The following ALK variants were observed in gnomAD, a reference collection of about 807,000 sequenced individuals.
ALK encodes ALK tyrosine kinase receptor.
ALK carries 74 observed loss-of-function variants against 163.1 expected under a neutral mutation model. The observed-to-expected ratio is 0.45, with a 90% CI of 0.38 to 0.55. ALK has a LOEUF of 0.55. Among genes scored for constraint, ALK ranks in the 20% least tolerant of loss-of-function variants. ALK has a pLI of 0.00. For missense variants in ALK, 2,063 were observed against 2,105.3 expected, an observed-to-expected ratio of 0.98 and a Z score of 0.39; for synonymous variants, 960 against 843.2, an observed-to-expected ratio of 1.14 and a Z score of -2.40.
chr2:29,840,383 G>T (rs895623535), intron 1 of ALK, among the ~76,000 whole-genome samples: 4 of 152,254 alleles, frequency 2.6e-5, no homozygotes, highest in Non-Finnish European at 5.9e-5. Flanking sequence ...TGGATTCCTA[G>T]AACTTCAAGC....
intron 3 of ALK, among the ~76,000 whole-genome samples, chr2:29,547,837 C>T (rs7603482): frequency 0.12 from 17,923 of 152,188 alleles, 1,388 homozygotes; most frequent in Non-Finnish European, 0.18. Flanking sequence ...GAATTATGCT[C>T]GTATGGTTGC....
intron 1 of ALK, among the ~76,000 whole-genome samples, chr2:29,719,032 A>T (rs1679349622): frequency 6.6e-6 from 1 of 152,148 alleles, no homozygotes; most frequent in Admixed American, 6.5e-5. Flanking sequence ...CACACACTTG[A>T]AGGAAATCTC....
chr2:29,673,047 G>T (rs1267279945), intron 3 of ALK, among the ~76,000 whole-genome samples: 4 of 118,966 alleles, frequency 3.4e-5, no homozygotes, highest in African/African-American at 1.5e-4. Flanking sequence ...TTGTAAATTT[G>T]TTTGAGTTCA....
intron 19 of ALK, chr2:29,224,571 G>A (rs1295671591): frequency 4.4e-6 from 1 of 229,726 alleles, no homozygotes; most frequent in Non-Finnish European, 8.6e-6. Context: ...TAGATTCTGT[G>A]TGTAAAGCCC....
intron 24 of ALK, among the ~76,000 whole-genome samples, chr2:29,213,406 G>A (rs1346207346): frequency 6.6e-6 from 1 of 152,190 alleles, no homozygotes; most frequent in African/African-American, 2.4e-5. Flanking sequence ...CAAACATTGT[G>A]TCTATGCCAA....
intron 2 of ALK, among the ~76,000 whole-genome samples, chr2:29,708,805 T>C (rs1415036831): frequency 6.6e-6 from 1 of 152,164 alleles, no homozygotes; most frequent in Non-Finnish European, 1.5e-5. Flanking sequence ...TCTAGGCCTG[T>C]TTCCTCATCC....
At chr2:29,691,353 T>C (rs1338985800) in intron 3 of ALK, among the ~76,000 whole-genome samples, 1 of 152,170 alleles carries the variant, frequency 6.6e-6, no homozygotes, top group Non-Finnish European at 1.5e-5. Context: ...GAGCCTCTCT[T>C]AAGTTATGTT....
chr2:29,439,944 A>G (rs1573355487), intron 4 of ALK, among the ~76,000 whole-genome samples: 1 of 152,204 alleles, frequency 6.6e-6, no homozygotes, highest in African/African-American at 2.4e-5. Flanking sequence ...ACTAATACAC[A>G]TCTTTGGCCG....
At chr2:29,304,677 T>C (rs141366996) in intron 8 of ALK, among the ~76,000 whole-genome samples, 1 of 152,316 alleles carries the variant, frequency 6.6e-6, no homozygotes, top group East Asian at 1.9e-4. Flanking sequence ...TCTTGTCTGC[T>C]GACTATGGCA....
intron 2 of ALK, among the ~76,000 whole-genome samples, chr2:29,698,449 C>T (rs186785582): frequency 6.6e-6 from 1 of 152,312 alleles, no homozygotes; most frequent in East Asian, 1.9e-4. Context: ...CCAGCCACTC[C>T]CATCCCACAT....
chr2:29,735,201 G>T (rs892241794), intron 1 of ALK, among the ~76,000 whole-genome samples: 5 of 151,208 alleles, frequency 3.3e-5, no homozygotes, highest in Admixed American at 2.6e-4. Context: ...CCTACAGGGG[G>T]TTCTGATTTG....
At chr2:29,523,092 A>T (rs1021454819) in intron 4 of ALK, among the ~76,000 whole-genome samples, 3 of 152,120 alleles carry the variant, frequency 2.0e-5, no homozygotes, top group African/African-American at 7.2e-5. Flanking sequence ...GAAAGTGAGC[A>T]CTCAGAGAGC....
intron 2 of ALK, among the ~76,000 whole-genome samples, chr2:29,698,507 C>T (rs1021248131): frequency 6.6e-6 from 1 of 152,170 alleles, no homozygotes; most frequent in Non-Finnish European, 1.5e-5. Context: ...TGCGGCCATC[C>T]CCTACCTTGA....
intron 5 of ALK, among the ~76,000 whole-genome samples, chr2:29,361,269 TC>T (rs1668382216): frequency 1.3e-5 from 2 of 152,196 alleles, no homozygotes; most frequent in Non-Finnish European, 2.9e-5. Flanking sequence ...CATTTTAGTA[TC>T]CGGGAAAAAC....
chr2:29,885,815 C>A (rs1033824773), intron 1 of ALK, among the ~76,000 whole-genome samples: 1 of 152,152 alleles, frequency 6.6e-6, no homozygotes, highest in Non-Finnish European at 1.5e-5. Flanking sequence ...CAACATGTAT[C>A]CTTCTATGAG....
rs2148154662 is a variant in ALK at position 29,209,678 on chromosome 2, G to C, written c.3836+108C>G. ...AACTTAGTGAAATTTTAGGTAGAAA[G>C]TTGACAGGGTACCAGGAGATGATGT... On this transcript the variant is annotated intron_variant, in intron 25 of 28. Transcript: ENST00000389048. 7 of 782,542 alleles carry C rather than the reference G, an allele frequency of 8.9e-6. 1 individual carries two copies. The South Asian group carries it at 1.1e-4, about 12-fold the overall frequency. The allele number at this position is 782,542 out of a possible 1,614,324, so 48.5% of individuals were successfully genotyped here. A position where few individuals can be genotyped will look rare whatever the true frequency, so the allele number is the denominator to read the frequency against.
At chr2:29,836,560 G>A (rs1665567017) in intron 1 of ALK, among the ~76,000 whole-genome samples, 1 of 152,196 alleles carries the variant, frequency 6.6e-6, no homozygotes, top group African/African-American at 2.4e-5. Context: ...CCAACTAGAA[G>A]AGAGTTTGTC....
At chr2:29,837,795 T>C (rs1277937339) in intron 1 of ALK, among the ~76,000 whole-genome samples, 1 of 152,122 alleles carries the variant, frequency 6.6e-6, no homozygotes, top group Non-Finnish European at 1.5e-5. Context: ...ATGTCTAGCA[T>C]ACAATCAAAA....
At chr2:29,621,124 T>C (rs1676024311) in intron 3 of ALK, among the ~76,000 whole-genome samples, 1 of 152,170 alleles carries the variant, frequency 6.6e-6, no homozygotes, top group Non-Finnish European at 1.5e-5. Flanking sequence ...ACAGGCAGAC[T>C]TTCCAGAATA....
Sources: gnomAD v4.1 joint callset for allele counts (sites outside exome capture counted in the v4.1 genomes callset) on GRCh38, gnomAD v4.1.1 for gene constraint, MANE v1.5 for transcripts, NCBI Gene and HGNC (gene_info 2026-07-23, HGNC 2026-07-21) for gene names.